DLGAP1: variants seen among roughly 807,000 people sequenced by gnomAD.
The protein encoded by DLGAP1 is disks large-associated protein 1.
In DLGAP1, 11 loss-of-function variants were observed where a neutral mutation model predicts 90.8. The ratio of observed to expected loss-of-function variants is 0.12; its 90% confidence interval spans 0.08 to 0.20. The LOEUF is 0.20. DLGAP1 is among the 10% of genes least tolerant of loss of function. The pLI is 1.00. For synonymous variants in DLGAP1, 558 were observed against 540.7 expected, an observed-to-expected ratio of 1.03 and a Z score of -0.44; for missense variants, 1,050 against 1,333.8, an observed-to-expected ratio of 0.79 and a Z score of 3.31.
chr18:4,291,947 T>C (rs1404418924), intron 1 of DLGAP1, among the ~76,000 whole-genome samples: 1 of 152,116 alleles, frequency 6.6e-6, no homozygotes, highest in African/African-American at 2.4e-5. Flanking sequence ...AAGTTGCAAA[T>C]TTGGGTTCTA....
At chr18:4,173,427 C>T (rs1408152908) in intron 1 of DLGAP1, among the ~76,000 whole-genome samples, 2 of 152,088 alleles carry the variant, frequency 1.3e-5, no homozygotes, top group Non-Finnish European at 2.9e-5. Context: ...TCGGTAGAGA[C>T]GATGTAACCA....
chr18:3,686,809 C>T (rs1046666019), intron 7 of DLGAP1, among the ~76,000 whole-genome samples: 1 of 152,104 alleles, frequency 6.6e-6, no homozygotes, highest in African/African-American at 2.4e-5. Context: ...AGAATAATGC[C>T]CCTCCCCCAG....
rs151037299 is a variant in DLGAP1, at chr18:3,850,802, C to T, written c.957+28310G>A. 6.7e-3 allele frequency among the ~76,000 whole-genome samples: 1,017 copies of T among 152,154 alleles called. 2 individuals carry two copies. Among genetic ancestry groups the T allele is most frequent in the Middle Eastern group, 0.017 (5 of 294 alleles). ...GAAGTAGTATGCTAAGCTGACTGTGCTTTATTTTTATTTTTTATTTTTGAA... is the reference window on the plus strand; with the variant it reads ...GAAGTAGTATGCTAAGCTGACTGTGTTTTATTTTTATTTTTTATTTTTGAA... On this transcript the variant is annotated intron_variant, in intron 4 of 12. Coordinates refer to ENST00000315677, the MANE Select transcript of DLGAP1 (RefSeq NM_004746.4).
rs1160004361 is a variant in DLGAP1 at position 4,265,650 on chromosome 18, T to TC, written c.-266-114364dup. On this transcript the variant is annotated intron_variant, in intron 1 of 12. Coordinates refer to ENST00000315677, the MANE Select transcript of DLGAP1 (RefSeq NM_004746.4). ...CCTTCCCTCCCTCCCCTTCCCTCCC[T>TC]CCCTCCCTCCCTCCCTTCCTTCCTT... Among the ~76,000 whole-genome samples, 18 of 36,766 alleles carry TC rather than the reference T, an allele frequency of 4.9e-4. 1 individual carries two copies. Among genetic ancestry groups the TC allele is most frequent in the African/African-American group, 1.6e-3 (5 of 3,098 alleles). The allele number at this position is 36,766 out of a possible 152,430, so 24.1% of individuals were successfully genotyped here.
At position 3,902,855 on chromosome 18, in the gene DLGAP1, C is replaced by T. The variant is rs867116672; in HGVS notation, c.-72-22715G>A. ...TGGACACTAGGGAGAGTCTTCCTGG[C>T]CTTGAGCCTTCCTCTCAGTGGGAAG... On this transcript the variant is annotated intron_variant, in intron 3 of 12. Coordinates refer to ENST00000315677, the MANE Select transcript of DLGAP1 (RefSeq NM_004746.4). Among the ~76,000 whole-genome samples the T allele has an allele frequency of 4.6e-5, 7 of 151,956 alleles. No homozygotes were observed. In the South Asian group the frequency reaches 6.3e-4, roughly 14 times the overall value.
intron 7 of DLGAP1, among the ~76,000 whole-genome samples, chr18:3,625,579 G>T (rs1364173262): frequency 6.6e-6 from 1 of 152,068 alleles, no homozygotes; most frequent in Non-Finnish European, 1.5e-5. Flanking sequence ...TGCCTTTTTT[G>T]GGGTTTTGTT....
rs539360984 is a variant in DLGAP1, at chr18:4,103,873, T to C, written c.-159+47307A>G. On this transcript the variant is annotated intron_variant, in intron 2 of 12. Transcript: ENST00000315677. ...AATTGATATGCTAAATTGAACTAGC[T>C]ACACATAGTTCATATAAATGGCACT... Among the ~76,000 whole-genome samples, 4 of 152,304 alleles carry C rather than the reference T, an allele frequency of 2.6e-5. No homozygotes were observed. The South Asian group carries it at 8.3e-4, about 32-fold the overall frequency.
chr18:3,603,411 G>A (rs902376088), intron 7 of DLGAP1: 2 of 151,980 alleles, frequency 1.3e-5, no homozygotes, highest in African/African-American at 2.4e-5. Context: ...AAAAAGAAAC[G>A]AGCAAAACAG....
chr18:4,376,885 A>T (rs1422296780), intron 1 of DLGAP1, among the ~76,000 whole-genome samples: 1 of 152,200 alleles, frequency 6.6e-6, no homozygotes, highest in African/African-American at 2.4e-5. Context: ...ACCTAAAACC[A>T]TCTGAAGTAC....
At position 3,648,240 on chromosome 18, in the gene DLGAP1, C is replaced by T. The variant is rs1463930586; in HGVS notation, c.1592-65992G>A. Among the ~76,000 whole-genome samples the T allele has an allele frequency of 2.0e-5, 3 of 152,284 alleles. No homozygotes were observed. In the East Asian group the frequency reaches 5.8e-4, roughly 29 times the overall value. On this transcript the variant is annotated intron_variant, in intron 7 of 12. Transcript: ENST00000315677. ...TTTGTTGAAACATTGCTAGAAAAATCCTTTGGCCTTCTTCTCAGTGAAACC... is the reference window on the plus strand; with the variant it reads ...TTTGTTGAAACATTGCTAGAAAAATTCTTTGGCCTTCTTCTCAGTGAAACC...
At chr18:3,950,829 G>A (rs1358312406) in intron 3 of DLGAP1, among the ~76,000 whole-genome samples, 1 of 152,122 alleles carries the variant, frequency 6.6e-6, no homozygotes, top group Non-Finnish European at 1.5e-5. Context: ...TAATTGTAGT[G>A]TTACAATAAA....
intron 7 of DLGAP1, among the ~76,000 whole-genome samples, chr18:3,584,405 A>T (rs563632149): frequency 6.6e-6 from 1 of 152,158 alleles, no homozygotes; most frequent in South Asian, 2.1e-4. Flanking sequence ...TTGCTTCAAC[A>T]TTGAAGATGT....
intron 2 of DLGAP1, among the ~76,000 whole-genome samples, chr18:4,072,239 C>G (rs746767565): frequency 2.0e-5 from 3 of 150,862 alleles, no homozygotes; most frequent in Non-Finnish European, 4.4e-5. Context: ...TTTAGGGGCA[C>G]AAAAAAAGAC....
At chr18:4,401,182 G>A (rs2082546597) in intron 1 of DLGAP1, among the ~76,000 whole-genome samples, 1 of 152,128 alleles carries the variant, frequency 6.6e-6, no homozygotes, top group Non-Finnish European at 1.5e-5. Flanking sequence ...AGTTAGAGGT[G>A]GAGCCAAACC....
At chr18:3,615,357 C>G (rs1333935811) in intron 7 of DLGAP1, among the ~76,000 whole-genome samples, 1 of 152,154 alleles carries the variant, frequency 6.6e-6, no homozygotes, top group African/African-American at 2.4e-5. Context: ...CCTCTATTTT[C>G]TTGACTAGAA....
chr18:4,393,777 C>A (rs1300773979), intron 1 of DLGAP1, among the ~76,000 whole-genome samples: 1 of 152,088 alleles, frequency 6.6e-6, no homozygotes, highest in Non-Finnish European at 1.5e-5. Flanking sequence ...AGACCGGGGG[C>A]AGGGGTGGTT....
At chr18:3,964,311 T>C (rs2073273791) in intron 3 of DLGAP1, among the ~76,000 whole-genome samples, 1 of 152,208 alleles carries the variant, frequency 6.6e-6, no homozygotes, top group Non-Finnish European at 1.5e-5. Context: ...AGGAAAAAAT[T>C]CAATGTTTCC....
At chr18:3,580,164 C>A in intron 8 of DLGAP1, 1 of 1,346,346 alleles carries the variant, frequency 7.4e-7, no homozygotes, top group Non-Finnish European at 1.1e-6. Context: ...AAAGAAAATA[C>A]TTTCAGAAAC....
chr18:4,298,081 T>C (rs1039452894), intron 1 of DLGAP1, among the ~76,000 whole-genome samples: 14 of 152,072 alleles, frequency 9.2e-5, no homozygotes, highest in Non-Finnish European at 2.1e-4. Flanking sequence ...ACCTGTTAGC[T>C]TGCAAGTAGA....
Sources: gnomAD v4.1 joint callset for allele counts (sites outside exome capture counted in the v4.1 genomes callset) on GRCh38, gnomAD v4.1.1 for gene constraint, MANE v1.5 for transcripts, NCBI Gene and HGNC (gene_info 2026-07-23, HGNC 2026-07-21) for gene names.